The following TENM3 variants were observed in gnomAD, a reference collection of about 807,000 sequenced individuals.
TENM3 encodes teneurin transmembrane protein 3, also known as teneurin-3.
A neutral mutation model predicts 255.1 loss-of-function variants in TENM3; 63 were observed. The observed-to-expected ratio is 0.25, with a 90% CI of 0.20 to 0.30. The LOEUF (loss-of-function observed/expected upper bound fraction) is 0.30. Ranked by LOEUF, TENM3 falls within the 10% of genes least tolerant of loss-of-function variation. TENM3 has a pLI of 1.00. For synonymous variants in TENM3, 1,306 were observed against 1,322.3 expected (o/e 0.99, Z 0.27); for missense variants, 2,929 against 3,461.1 (o/e 0.85, Z 3.86).
At chr4:182,274,697 T>C (rs916774823) in intron 1 of TENM3, among the ~76,000 whole-genome samples, 1 of 152,220 alleles carries the variant, frequency 6.6e-6, no homozygotes, top group Admixed American at 6.5e-5. Flanking sequence ...TTTGACTTTG[T>C]ATTTGAGCTC....
chr4:181,467,080 T>C, the TENM3 span, among the ~76,000 whole-genome samples: 30 of 29,492 alleles, frequency 1.0e-3, 1 homozygote, highest in East Asian at 4.8e-3. Flanking sequence ...TGTGTGTGTG[T>C]GTGCGTGTGT....
At chr4:182,181,317 G>A (rs1352936763) in intron 1 of TENM3, among the ~76,000 whole-genome samples, 1 of 152,178 alleles carries the variant, frequency 6.6e-6, no homozygotes, top group South Asian at 2.1e-4. Flanking sequence ...AAAGGCATTT[G>A]ACTGTGACTG....
At chr4:182,720,871 G>A (rs572809423) in intron 13 of TENM3, among the ~76,000 whole-genome samples, 124 of 151,118 alleles carry the variant, frequency 8.2e-4, no homozygotes, top group Middle Eastern at 3.5e-3. Flanking sequence ...GGGTTCAAGC[G>A]ATTCTCCTGC....
chr4:181,465,773 G>A, the TENM3 span, among the ~76,000 whole-genome samples: 1 of 152,070 alleles, frequency 6.6e-6, no homozygotes, highest in Non-Finnish European at 1.5e-5. Flanking sequence ...CACTTTAGTA[G>A]CGCTTACAGT....
chr4:182,732,312 A>G (rs1351573435), intron 16 of TENM3, among the ~76,000 whole-genome samples: 1 of 152,182 alleles, frequency 6.6e-6, no homozygotes, highest in Non-Finnish European at 1.5e-5. Flanking sequence ...GCACATGGCT[A>G]TTAGCCTCAA....
the TENM3 span, among the ~76,000 whole-genome samples, chr4:181,511,757 A>G: frequency 6.6e-6 from 1 of 152,158 alleles, no homozygotes; most frequent in African/African-American, 2.4e-5. Flanking sequence ...CTAGGAGAAG[A>G]GGGTAGTCGG....
the TENM3 span, among the ~76,000 whole-genome samples, chr4:182,015,647 G>A: frequency 2.2e-4 from 34 of 152,020 alleles, no homozygotes; most frequent in Admixed American, 1.2e-3. Context: ...TGCAACCTCC[G>A]CCTCCTGGGT....
chr4:181,709,299 C>T, the TENM3 span, among the ~76,000 whole-genome samples: 3 of 152,024 alleles, frequency 2.0e-5, no homozygotes, highest in East Asian at 3.9e-4. Context: ...CACAGTAGGA[C>T]ACAGAAGACA....
intron 16 of TENM3, among the ~76,000 whole-genome samples, chr4:182,731,970 G>A (rs182793282): frequency 0.046 from 6,932 of 151,520 alleles, 264 homozygotes; most frequent in Non-Finnish European, 0.058. Context: ...TTTAGTAGAG[G>A]CAGGGTTTCA....
chr4:182,348,162 A>T (rs556236971), intron 3 of TENM3, among the ~76,000 whole-genome samples: 1 of 152,288 alleles, frequency 6.6e-6, no homozygotes, highest in African/African-American at 2.4e-5. Flanking sequence ...ATCAAATAAT[A>T]GCTATATACT....
At chr4:181,586,714 C>T in the TENM3 span, among the ~76,000 whole-genome samples, 1 of 152,110 alleles carries the variant, frequency 6.6e-6, no homozygotes, top group Non-Finnish European at 1.5e-5. Flanking sequence ...GTGGCACACT[C>T]TTGTGGTCCT....
At chr4:181,549,189 G>A in the TENM3 span, among the ~76,000 whole-genome samples, 1 of 152,106 alleles carries the variant, frequency 6.6e-6, no homozygotes, top group African/African-American at 2.4e-5. Flanking sequence ...CCCCGCCAGA[G>A]GTCCCTTTGA....
At chr4:181,678,855 A>C in the TENM3 span, among the ~76,000 whole-genome samples, 1 of 151,278 alleles carries the variant, frequency 6.6e-6, no homozygotes, top group Non-Finnish European at 1.5e-5. Flanking sequence ...AAAAAAAAAA[A>C]CAGAGAAAAC....
At chr4:182,564,452 G>T (rs942803693) in intron 3 of TENM3, among the ~76,000 whole-genome samples, 2 of 152,142 alleles carry the variant, frequency 1.3e-5, no homozygotes, top group African/African-American at 2.4e-5. Context: ...CCATGCCTGG[G>T]CAGTGACAAC....
At chr4:182,508,386 A>G (rs2151700491) in intron 3 of TENM3, among the ~76,000 whole-genome samples, 1 of 152,330 alleles carries the variant, frequency 6.6e-6, no homozygotes, top group Non-Finnish European at 1.5e-5. Flanking sequence ...GCAATTGAGT[A>G]CCAATAATAC....
chr4:182,100,818 T>TACACAC, the TENM3 span, among the ~76,000 whole-genome samples: 44 of 12,324 alleles, frequency 3.6e-3, 8 homozygotes, highest in Middle Eastern at 0.045. Context: ...CACATATATA[T>TACACAC]ACACATATAT....
intron 2 of TENM3, among the ~76,000 whole-genome samples, chr4:182,331,894 C>T (rs1179776999): frequency 6.6e-6 from 1 of 152,110 alleles, no homozygotes; most frequent in Non-Finnish European, 1.5e-5. Flanking sequence ...ATTGTTAAAA[C>T]ACGTTAGTAG....
At chr4:181,977,075 A>C in the TENM3 span, among the ~76,000 whole-genome samples, 1 of 152,216 alleles carries the variant, frequency 6.6e-6, no homozygotes, top group Non-Finnish European at 1.5e-5. Flanking sequence ...CGTTGTACTT[A>C]GCAGCATGAG....
At chr4:182,407,783 C>A (rs1164055776) in intron 3 of TENM3, among the ~76,000 whole-genome samples, 2 of 152,144 alleles carry the variant, frequency 1.3e-5, no homozygotes, top group Admixed American at 6.5e-5. Context: ...TAGCCAAAGA[C>A]CTGCTTTTCC....
Sources: gnomAD v4.1 joint callset for allele counts (sites outside exome capture counted in the v4.1 genomes callset) on GRCh38, gnomAD v4.1.1 for gene constraint, MANE v1.5 for transcripts, NCBI Gene and HGNC (gene_info 2026-07-23, HGNC 2026-07-21) for gene names.